Variants in IMMP2L observed in about 807,000 individuals in gnomAD.
IMMP2L encodes mitochondrial inner membrane protease subunit 2.
IMMP2L carries 18 observed loss-of-function variants against 19.3 expected under a neutral mutation model. The ratio of observed to expected loss-of-function variants is 0.93; its 90% confidence interval spans 0.64 to 1.38. The LOEUF is 1.38. Among genes scored for constraint, IMMP2L ranks in the 40% most tolerant of loss-of-function variants. The pLI is 0.00. For missense variants in IMMP2L, 233 were observed against 218.2 expected (o/e 1.07, Z -0.43); for synonymous variants, 76 against 73.0 (o/e 1.04, Z -0.21).
At chr7:111,555,710 T>C (rs71213281) in intron 1 of IMMP2L, among the ~76,000 whole-genome samples, 6,987 of 151,982 alleles carry the variant, frequency 0.046, 236 homozygotes, top group East Asian at 0.14. Flanking sequence ...ACCTATCTTA[T>C]GGCAAAAAGC....
intron 3 of IMMP2L, among the ~76,000 whole-genome samples, chr7:111,053,046 G>T (rs1464685053): frequency 6.6e-6 from 1 of 152,186 alleles, no homozygotes; most frequent in Non-Finnish European, 1.5e-5. Flanking sequence ...CTTCTCAGAA[G>T]AATGAATTTG....
At chr7:111,367,600 A>C (rs1829897123) in intron 3 of IMMP2L, among the ~76,000 whole-genome samples, 1 of 151,966 alleles carries the variant, frequency 6.6e-6, no homozygotes, top group South Asian at 2.1e-4. Context: ...TATTCATTAT[A>C]TCTTTCAATT....
intron 3 of IMMP2L, among the ~76,000 whole-genome samples, chr7:111,188,158 A>G (rs1562902734): frequency 6.6e-6 from 1 of 152,104 alleles, no homozygotes; most frequent in Non-Finnish European, 1.5e-5. Context: ...TCTCTGTCAC[A>G]GTGTGGCTTA....
At chr7:111,020,119 C>A (rs1826130861) in intron 3 of IMMP2L, among the ~76,000 whole-genome samples, 1 of 150,128 alleles carries the variant, frequency 6.7e-6, no homozygotes, top group South Asian at 2.1e-4. Context: ...CACGGTGGCT[C>A]ACACCTGTAA....
At chr7:110,911,992 A>G (rs1409452878) in intron 4 of IMMP2L, among the ~76,000 whole-genome samples, 1 of 152,116 alleles carries the variant, frequency 6.6e-6, no homozygotes, top group Non-Finnish European at 1.5e-5. Flanking sequence ...TAGTACATGC[A>G]ATGTTTAAAA....
chr7:111,281,168 A>C (rs1024202245), intron 3 of IMMP2L, among the ~76,000 whole-genome samples: 521 of 34,730 alleles, frequency 0.015, 1 homozygote, highest in South Asian at 0.033. Flanking sequence ...GAAAGAAAGA[A>C]AGAAAGAAAG....
intron 3 of IMMP2L, among the ~76,000 whole-genome samples, chr7:111,036,060 C>T (rs1472826697): frequency 2.0e-5 from 3 of 152,146 alleles, no homozygotes; most frequent in African/African-American, 4.8e-5. Flanking sequence ...ATTATTATTA[C>T]TATTTTTTAT....
chr7:111,038,991 T>G (rs1401938085), intron 3 of IMMP2L, among the ~76,000 whole-genome samples: 2 of 152,128 alleles, frequency 1.3e-5, no homozygotes, highest in African/African-American at 4.8e-5. Context: ...CAGGGAATTT[T>G]TTTTCTCTTA....
At chr7:110,732,980 G>C (rs1205222971) in intron 5 of IMMP2L, among the ~76,000 whole-genome samples, 1 of 151,958 alleles carries the variant, frequency 6.6e-6, no homozygotes, top group Admixed American at 6.6e-5. Flanking sequence ...TAGAGAGGGG[G>C]TCTCACTATG....
intron 3 of IMMP2L, among the ~76,000 whole-genome samples, chr7:111,164,813 A>G (rs1007329203): frequency 6.6e-6 from 1 of 152,014 alleles, no homozygotes; most frequent in Non-Finnish European, 1.5e-5. Context: ...TTTTGTTGTG[A>G]GCTGATTAAA....
rs564586244 is a variant in IMMP2L at position 111,157,083 on chromosome 7, T to C, written c.240-193518A>G. Among the ~76,000 whole-genome samples, 12 of 152,236 alleles carry C rather than the reference T, an allele frequency of 7.9e-5. No individual in the cohort carries two copies. In the East Asian group the frequency reaches 1.7e-3, roughly 22 times the overall value. Reference sequence around the variant, plus strand: ...TAAAACATAAGGCATTAACAAATGCTAGTAAGGATGTGGAGAAAACAGAAT... The same window carrying C: ...TAAAACATAAGGCATTAACAAATGCCAGTAAGGATGTGGAGAAAACAGAAT... On this transcript the variant is annotated intron_variant, in intron 3 of 5. Coordinates refer to ENST00000405709, the MANE Select transcript of IMMP2L (RefSeq NM_032549.4).
intron 3 of IMMP2L, among the ~76,000 whole-genome samples, chr7:111,125,955 TG>T (rs1262031899): frequency 6.6e-6 from 1 of 151,646 alleles, no homozygotes; most frequent in Non-Finnish European, 1.5e-5. Context: ...CCAGAGTAGC[TG>T]GGATTACAGG....
chr7:111,360,393 T>C (rs1010388142), intron 3 of IMMP2L, among the ~76,000 whole-genome samples: 5 of 152,280 alleles, frequency 3.3e-5, no homozygotes, highest in Middle Eastern at 3.4e-3. Flanking sequence ...CCCAAGTACA[T>C]ACCTGTGTGA....
chr7:110,670,711 A>C (rs79808768), intron 5 of IMMP2L, among the ~76,000 whole-genome samples: 4 of 150,598 alleles, frequency 2.7e-5, no homozygotes, highest in East Asian at 3.9e-4. Context: ...AAAACAAAAA[A>C]AACAAAAAAA....
chr7:111,162,536 A>G (rs1403440095), intron 3 of IMMP2L, among the ~76,000 whole-genome samples: 1 of 152,066 alleles, frequency 6.6e-6, no homozygotes, highest in Non-Finnish European at 1.5e-5. Context: ...GGGAGGGCAT[A>G]TCCTCCACAG....
intron 3 of IMMP2L, among the ~76,000 whole-genome samples, chr7:111,257,783 CT>C (rs1562975115): frequency 6.6e-6 from 1 of 151,752 alleles, no homozygotes; most frequent in South Asian, 2.1e-4. Flanking sequence ...TTTTCTTTTT[CT>C]TTTTTTTAAT....
chr7:110,701,519 C>T (rs550304783), intron 5 of IMMP2L, among the ~76,000 whole-genome samples: 4 of 152,118 alleles, frequency 2.6e-5, no homozygotes, highest in African/African-American at 7.2e-5. Context: ...CTCCCAGGTT[C>T]GAGCGATTCT....
chr7:111,512,509 AT>A (rs1845542161), intron 2 of IMMP2L, among the ~76,000 whole-genome samples: 1 of 152,114 alleles, frequency 6.6e-6, no homozygotes, highest in South Asian at 2.1e-4. Flanking sequence ...ATAAAACATA[AT>A]TTTTAATAAA....
intron 3 of IMMP2L, among the ~76,000 whole-genome samples, chr7:111,415,416 T>C (rs190293268): frequency 6.6e-6 from 1 of 151,732 alleles, no homozygotes; most frequent in Non-Finnish European, 1.5e-5. Flanking sequence ...GCCCAGACTT[T>C]TGCCCTACAA....
Sources: allele counts gnomAD v4.1 joint callset (sites outside exome capture counted in the v4.1 genomes callset), GRCh38; gene constraint gnomAD v4.1.1; transcripts MANE v1.5; gene names NCBI Gene and HGNC (gene_info 2026-07-23, HGNC 2026-07-21).